ASIC2: variants seen among roughly 807,000 people sequenced by gnomAD.
ASIC2 encodes the protein acid sensing ion channel subunit 2.
Under a neutral mutation model 57.3 loss-of-function variants are expected in ASIC2, and 25 were observed. The ratio of observed to expected loss-of-function variants is 0.44; its 90% confidence interval spans 0.32 to 0.61. The LOEUF is 0.61. ASIC2 is among the 20% of genes least tolerant of loss of function. The probability of loss-of-function intolerance (pLI) is 0.06; values close to 1 mark genes in which losing one functional copy is unlikely to be tolerated. For missense variants in ASIC2, 641 were observed against 738.1 expected (o/e 0.87, Z 1.52); for synonymous variants, 319 against 307.5 (o/e 1.04, Z -0.39).
intron 1 of ASIC2, among the ~76,000 whole-genome samples, chr17:33,280,715 C>A (rs62067933): frequency 6.6e-6 from 1 of 152,236 alleles, no homozygotes; most frequent in Non-Finnish European, 1.5e-5. Context: ...AGTGAATCAA[C>A]ATGCGTCTCA....
At chr17:33,859,521 T>C (rs561227332) in intron 1 of ASIC2, among the ~76,000 whole-genome samples, 1 of 152,306 alleles carries the variant, frequency 6.6e-6, no homozygotes, top group Admixed American at 6.5e-5. Context: ...TGGGAGCAAC[T>C]GACAGAACTT....
At chr17:33,397,614 T>C (rs73983122) in intron 1 of ASIC2, among the ~76,000 whole-genome samples, 2,945 of 152,250 alleles carry the variant, frequency 0.019, 86 homozygotes, top group African/African-American at 0.067. Context: ...TTGGATCTAC[T>C]TTTCATTTTT....
Position 33,039,191 on chromosome 17 carries a change from CCACAGGGATAGGACACGGTGCT to C in ASIC2, c.988-10821_988-10800del, listed in dbSNP as rs534473414. ...GTTATGTCAGTCACTAGGCCTTCTG[CCACAGGGATAGGACACGGTGCT>C]CACAGGGCTGTTCCATGGTGCCACA... On this transcript the variant is annotated intron_variant, in intron 3 of 9. Transcript: ENST00000225823. 5.6e-3 allele frequency among the ~76,000 whole-genome samples: 858 copies of C among 152,288 alleles called. 12 individuals carry two copies. The highest frequency in any genetic ancestry group is 0.019 in the African/African-American group (791 of 41,562).
intron 1 of ASIC2, among the ~76,000 whole-genome samples, chr17:33,608,264 G>A (rs1432503127): frequency 6.6e-6 from 1 of 152,136 alleles, no homozygotes; most frequent in African/African-American, 2.4e-5. Context: ...TTTAGAGGGT[G>A]AGTGTGAGGT....
Position 33,013,843 on chromosome 17 carries a change from T to G in ASIC2, c.*122A>C. ...GTCTAGGCAGCTAGTCTGCAATGTG[T>G]GCATAGGGGGCTCTTGCTTCTTTCC... is the stretch of plus-strand genomic sequence containing the variant. On this transcript the variant is annotated 3_prime_UTR_variant, in exon 10 of 10. Coordinates refer to ENST00000225823, the MANE Select transcript of ASIC2 (RefSeq NM_183377.2). 1 of 858,888 alleles carries G rather than the reference T, an allele frequency of 1.2e-6. No individual in the cohort carries two copies. The highest frequency in any genetic ancestry group is 2.6e-5 in the East Asian group (1 of 37,796). 53.2% of individuals were successfully genotyped at this position (858,888 alleles called of 1,614,324 possible).
intron 1 of ASIC2, among the ~76,000 whole-genome samples, chr17:33,917,157 T>C (rs1204728767): frequency 6.6e-6 from 1 of 152,210 alleles, no homozygotes; most frequent in African/African-American, 2.4e-5. Context: ...CAAATGTTGG[T>C]ATTTTCCAAA....
In ASIC2 at chr17:33,123,892, G is replaced by GTGTGT. The variant is rs565308446; in HGVS notation, c.709-11830_709-11826dup. 4.8e-3 allele frequency among the ~76,000 whole-genome samples: 728 copies of GTGTGT among 152,346 alleles called. 4 individuals are homozygous for GTGTGT. Among genetic ancestry groups the GTGTGT allele is most frequent in the African/African-American group, 0.017 (690 of 41,580 alleles). On this transcript the variant is annotated intron_variant, in intron 1 of 9. Coordinates refer to ENST00000225823, the MANE Select transcript of ASIC2 (RefSeq NM_183377.2). The stretch of plus-strand genomic sequence containing the variant: ...GAGAAGGAAGAAGAGGGGATCAGAA[G>GTGTGT]TGTGTTGTGTTGTGTTCCTGGTTAA...
At chr17:33,758,957 G>A (rs1335566261) in intron 1 of ASIC2, among the ~76,000 whole-genome samples, 1 of 150,570 alleles carries the variant, frequency 6.6e-6, no homozygotes, top group African/African-American at 2.4e-5. Context: ...GTGGGGTGTT[G>A]CTGATAACAG....
intron 1 of ASIC2, among the ~76,000 whole-genome samples, chr17:33,363,849 T>C (rs1244129609): frequency 6.6e-6 from 1 of 152,154 alleles, no homozygotes; most frequent in African/African-American, 2.4e-5. Flanking sequence ...GGGGGAATAT[T>C]AATGGCACTC....
At chr17:33,356,564 C>T (rs1384267399) in intron 1 of ASIC2, among the ~76,000 whole-genome samples, 1 of 152,112 alleles carries the variant, frequency 6.6e-6, no homozygotes, top group Admixed American at 6.5e-5. Flanking sequence ...TTCTGTGTGC[C>T]ACCTGGATGG....
intron 1 of ASIC2, among the ~76,000 whole-genome samples, chr17:33,554,356 ATATG>A (rs1915840637): frequency 7.5e-6 from 1 of 132,512 alleles, no homozygotes; most frequent in African/African-American, 3.3e-5. Flanking sequence ...ATCACTGCTT[ATATG>A]TGTGTGTGTG....
chr17:33,098,453 T>C (rs1423779619), intron 2 of ASIC2, among the ~76,000 whole-genome samples: 1 of 152,118 alleles, frequency 6.6e-6, no homozygotes, highest in Non-Finnish European at 1.5e-5. Flanking sequence ...TCACAGGTGA[T>C]ATTTTGAAGC....
chr17:33,020,795 A>G (rs1468852985), intron 7 of ASIC2, among the ~76,000 whole-genome samples: 1 of 152,102 alleles, frequency 6.6e-6, no homozygotes, highest in African/African-American at 2.4e-5. Context: ...CTCACCTCCC[A>G]GGTCCCACCT....
intron 1 of ASIC2, among the ~76,000 whole-genome samples, chr17:33,830,387 T>C (rs1403978881): frequency 1.3e-5 from 2 of 152,130 alleles, no homozygotes; most frequent in African/African-American, 4.8e-5. Flanking sequence ...CACCTGTTCT[T>C]GGCATGAGCA....
chr17:33,573,825 C>G (rs1363135044), intron 1 of ASIC2, among the ~76,000 whole-genome samples: 1 of 152,220 alleles, frequency 6.6e-6, no homozygotes, highest in Non-Finnish European at 1.5e-5. Flanking sequence ...CTCGGCCTCC[C>G]AAAGTGCTAG....
At chr17:34,015,892 G>C (rs866958321) in intron 1 of ASIC2, among the ~76,000 whole-genome samples, 1 of 152,142 alleles carries the variant, frequency 6.6e-6, no homozygotes, top group African/African-American at 2.4e-5. Context: ...TTATAAAATG[G>C]GGAGATGACC....
chr17:33,089,062 G>T lies in ASIC2; in HGVS notation c.860-72C>A, dbSNP rs184514372. On this transcript the variant is annotated intron_variant, in intron 2 of 9. Transcript: ENST00000225823. ...GCTCATGGAGTCCTGGGATTGAAAA[G>T]CTCAAAGGGATGCTGAAAAGACCCT... The T allele has an allele frequency of 2.7e-3, 4,237 of 1,584,558 alleles. 16 individuals are homozygous for T. The highest frequency in any genetic ancestry group is 4.4e-3 in the Admixed American group (253 of 57,668).
At chr17:34,111,327 T>C (rs2142111105) in intron 1 of ASIC2, among the ~76,000 whole-genome samples, 1 of 148,504 alleles carries the variant, frequency 6.7e-6, no homozygotes, top group East Asian at 1.9e-4. Flanking sequence ...TTATATTATG[T>C]TATATTATAT....
intron 1 of ASIC2, among the ~76,000 whole-genome samples, chr17:34,074,304 C>T (rs1316491333): frequency 6.6e-6 from 1 of 152,166 alleles, no homozygotes; most frequent in Admixed American, 6.5e-5. Context: ...ATGAACATTG[C>T]ATGCAATGTA....
Sources: gnomAD v4.1 joint callset for allele counts (sites outside exome capture counted in the v4.1 genomes callset) on GRCh38, gnomAD v4.1.1 for gene constraint, MANE v1.5 for transcripts, NCBI Gene and HGNC (gene_info 2026-07-23, HGNC 2026-07-21) for gene names.